The following GALNT14 variants were observed in gnomAD, a reference collection of about 807,000 sequenced individuals.
GALNT14 encodes the protein UDP-GalNAc:polypeptide N-acetylgalactosaminyltransferase 14.
GALNT14 carries 60 observed loss-of-function variants against 77.5 expected under a neutral mutation model. The observed-to-expected ratio is 0.77, with a 90% CI of 0.63 to 0.96. The LOEUF is 0.96. Among genes scored for constraint, GALNT14 ranks in the 40% least tolerant of loss-of-function variants. The pLI, the probability that GALNT14 is intolerant of heterozygous loss-of-function variation, is 0.00. For missense variants in GALNT14, 710 were observed against 731.0 expected (o/e 0.97, Z 0.33); for synonymous variants, 280 against 281.7 (o/e 0.99, Z 0.06).
chr2:31,015,645 A>G (rs1671305536), intron 1 of GALNT14, among the ~76,000 whole-genome samples: 2 of 152,226 alleles, frequency 1.3e-5, no homozygotes, highest in African/African-American at 4.8e-5. Context: ...AAAACATATC[A>G]ATATCACATA....
chr2:31,033,478 C>A (rs1032230436), intron 1 of GALNT14, among the ~76,000 whole-genome samples: 1 of 152,166 alleles, frequency 6.6e-6, no homozygotes, highest in African/African-American at 2.4e-5. Context: ...TCCTCGTGAT[C>A]CTCCAGCTAA....
At chr2:30,893,773 TAA>T in the GALNT14 span, among the ~76,000 whole-genome samples, 4 of 145,036 alleles carry the variant, frequency 2.8e-5, no homozygotes, top group African/African-American at 2.5e-5. Context: ...TTACCTTGAT[TAA>T]AAAAAAAAAA....
chr2:30,966,301 A>C lies in GALNT14; in HGVS notation c.301T>G (p.Cys101Gly), dbSNP rs1417952059. Residue 101 changes from cysteine to glycine, a missense_variant and splice_region_variant, in exon 3 of 15, where the codon TGC becomes GGC. Transcript: ENST00000349752. ...RAIPDTRHLR[C>G]TLLVYCTDLP... ...TCCGTGCAATACACCAGCAGTGTGC[A>C]TCTGGGGAAGGAAAGGCACAGGGCA... The C allele has an allele frequency of 8.1e-6, 13 of 1,612,044 alleles. No homozygotes were observed. Among genetic ancestry groups the C allele is most frequent in the Non-Finnish European group, 1.1e-5 (13 of 1,178,190 alleles).
intron 1 of GALNT14, among the ~76,000 whole-genome samples, chr2:31,024,397 C>T (rs556265836): frequency 2.6e-5 from 4 of 152,228 alleles, no homozygotes; most frequent in African/African-American, 9.6e-5. Context: ...CACCAAGGCC[C>T]CACACACGGT....
intron 1 of GALNT14, among the ~76,000 whole-genome samples, chr2:31,058,371 G>A (rs533428350): frequency 3.9e-5 from 6 of 152,274 alleles, no homozygotes; most frequent in East Asian, 1.9e-4. Context: ...TGGTAAGGGC[G>A]TTCTCGGTGA....
intron 1 of GALNT14, among the ~76,000 whole-genome samples, chr2:31,007,948 C>T (rs1308814296): frequency 6.6e-6 from 1 of 152,174 alleles, no homozygotes; most frequent in Non-Finnish European, 1.5e-5. Context: ...AGCTCTCTGG[C>T]CCACAACCTC....
At chr2:31,048,998 C>G (rs1362352959) in intron 1 of GALNT14, among the ~76,000 whole-genome samples, 2 of 152,172 alleles carry the variant, frequency 1.3e-5, no homozygotes, top group Non-Finnish European at 2.9e-5. Context: ...TCCTGTCCAG[C>G]CAGCTTTCCC....
rs138909650 is a variant in GALNT14 at position 30,954,721 on chromosome 2, G to T, written c.654+897C>A. Among the ~76,000 whole-genome samples the T allele has an allele frequency of 2.6e-4, 40 of 152,354 alleles. No individual in the cohort carries two copies. In the East Asian group the frequency reaches 7.3e-3, roughly 28 times the overall value. On this transcript the variant is annotated intron_variant, in intron 6 of 14. Coordinates refer to ENST00000349752, the MANE Select transcript of GALNT14 (RefSeq NM_024572.4). ...GTAGGAGTTTAGGAGCTACCATGAAGAGTGAGCAGGAAATAACCACAGCAC... is the reference window on the plus strand; with the variant it reads ...GTAGGAGTTTAGGAGCTACCATGAATAGTGAGCAGGAAATAACCACAGCAC...
At chr2:31,005,844 A>G (rs938813762) in intron 1 of GALNT14, among the ~76,000 whole-genome samples, 3 of 152,232 alleles carry the variant, frequency 2.0e-5, no homozygotes, top group Non-Finnish European at 2.9e-5. Context: ...CTATTTTAAG[A>G]AGCGTAATAC....
At position 31,125,127 on chromosome 2, in the gene GALNT14, A is replaced by G. The variant is rs775060718; in HGVS notation, c.129+12831T>C. 1.5e-5 allele frequency: 22 copies of G among 1,496,862 alleles called. No individual in the cohort carries two copies. The South Asian group carries it at 2.4e-4, about 16-fold the overall frequency. 92.7% of individuals were successfully genotyped at this position (1,496,862 alleles called of 1,614,324 possible). ...GGCAGAAAAGCAGCTGGCACCTCACACTCCTGGGGACACACAGTCAACCTA... is the reference window on the plus strand; with the variant it reads ...GGCAGAAAAGCAGCTGGCACCTCACGCTCCTGGGGACACACAGTCAACCTA... On this transcript the variant is annotated intron_variant, in intron 1 of 14. Transcript: ENST00000349752.
At chr2:30,973,236 G>A (rs549134406) in intron 2 of GALNT14, among the ~76,000 whole-genome samples, 5 of 152,158 alleles carry the variant, frequency 3.3e-5, no homozygotes, top group Middle Eastern at 3.2e-3. Context: ...TGCAGGTGGC[G>A]TAGGCACATC....
intron 1 of GALNT14, among the ~76,000 whole-genome samples, chr2:31,107,804 A>G (rs553405102): frequency 6.6e-6 from 1 of 152,252 alleles, no homozygotes; most frequent in South Asian, 2.1e-4. Flanking sequence ...CCTAAACGTC[A>G]AGCAACATGG....
At chr2:30,911,276 A>G (rs1664341879) in intron 14 of GALNT14, among the ~76,000 whole-genome samples, 1 of 152,176 alleles carries the variant, frequency 6.6e-6, no homozygotes, top group African/African-American at 2.4e-5. Flanking sequence ...CAAAATCAAT[A>G]TGTTTACTAG....
intron 1 of GALNT14, among the ~76,000 whole-genome samples, chr2:31,106,714 T>C (rs547792105): frequency 4.6e-5 from 7 of 152,344 alleles, no homozygotes; most frequent in African/African-American, 1.4e-4. Flanking sequence ...CCTGAAATTA[T>C]TTTCCTGGGA....
At chr2:31,098,281 C>T (rs1173930433) in intron 1 of GALNT14, among the ~76,000 whole-genome samples, 3 of 152,134 alleles carry the variant, frequency 2.0e-5, no homozygotes, top group Non-Finnish European at 4.4e-5. Context: ...AGGAGTTCTG[C>T]CTCTATCCTT....
chr2:30,990,308 C>G (rs1360797850), intron 2 of GALNT14, among the ~76,000 whole-genome samples: 1 of 152,240 alleles, frequency 6.6e-6, no homozygotes, highest in African/African-American at 2.4e-5. Flanking sequence ...CTGAGGCAGA[C>G]AGGGCCCAAA....
At chr2:31,007,571 A>T (rs1439223082) in intron 1 of GALNT14, among the ~76,000 whole-genome samples, 1 of 152,192 alleles carries the variant, frequency 6.6e-6, no homozygotes, top group African/African-American at 2.4e-5. Flanking sequence ...CATGAATCCA[A>T]CTTCTTTACA....
intron 11 of GALNT14, 71 bp downstream of exon 11, chr2:30,929,324 C>A: frequency 8.4e-7 from 1 of 1,193,736 alleles, no homozygotes; most frequent in South Asian, 1.3e-5. Flanking sequence ...CTATCGGCAC[C>A]CATTTGCATC....
chr2:31,031,256 G>A (rs902006856), intron 1 of GALNT14, among the ~76,000 whole-genome samples: 5 of 152,102 alleles, frequency 3.3e-5, no homozygotes, highest in African/African-American at 1.2e-4. Context: ...AGAACAGGCA[G>A]CCCCAGAGGT....
Sources: gnomAD v4.1 joint callset for allele counts (sites outside exome capture counted in the v4.1 genomes callset) on GRCh38, gnomAD v4.1.1 for gene constraint, MANE v1.5 for transcripts, NCBI Gene and HGNC (gene_info 2026-07-23, HGNC 2026-07-21) for gene names.